Variants in CDYL observed in about 807,000 individuals in gnomAD.
The protein encoded by CDYL is chromodomain Y-like protein.
A neutral mutation model predicts 47.3 loss-of-function variants in CDYL; 8 were observed. The observed-to-expected ratio is 0.17, with a 90% CI of 0.10 to 0.31. CDYL has a LOEUF of 0.31. Among genes scored for constraint, CDYL ranks in the 10% least tolerant of loss-of-function variants. CDYL has a pLI of 1.00. For missense variants in CDYL, 471 were observed against 701.4 expected (o/e 0.67, Z 3.71); for synonymous variants, 266 against 265.0 (o/e 1.00, Z -0.04).
intron 3 of CDYL, among the ~76,000 whole-genome samples, chr6:4,735,905 T>TGGG (rs56986849): frequency 2.6e-5 from 4 of 151,674 alleles, no homozygotes; most frequent in African/African-American, 9.7e-5. Flanking sequence ...GTGCACGTGA[T>TGGG]GGGGGGGGGT....
At chr6:4,818,739 C>A (rs1383842829) in intron 1 of CDYL, among the ~76,000 whole-genome samples, 1 of 152,112 alleles carries the variant, frequency 6.6e-6, no homozygotes, top group African/African-American at 2.4e-5. Context: ...AGTAGAGATG[C>A]TAAATGGGTA....
At chr6:4,725,942 C>T (rs1322611002) in intron 2 of CDYL, among the ~76,000 whole-genome samples, 3 of 151,862 alleles carry the variant, frequency 2.0e-5, no homozygotes, top group African/African-American at 4.9e-5. Context: ...AACAAAAGAG[C>T]AAATTACCAA....
chr6:4,817,731 T>C (rs1451671533), intron 1 of CDYL, among the ~76,000 whole-genome samples: 1 of 152,226 alleles, frequency 6.6e-6, no homozygotes, highest in Non-Finnish European at 1.5e-5. Context: ...TTCCAAAGTT[T>C]AAACTTCTGT....
At chr6:4,824,582 G>A (rs1189073226) in intron 1 of CDYL, among the ~76,000 whole-genome samples, 1 of 152,080 alleles carries the variant, frequency 6.6e-6, no homozygotes. Context: ...CATTGTTGTT[G>A]AGTTTTGTTG....
chr6:4,793,689 G>A (rs1158927181), intron 1 of CDYL, among the ~76,000 whole-genome samples: 1 of 152,190 alleles, frequency 6.6e-6, no homozygotes, highest in East Asian at 1.9e-4. Context: ...TCCAGGCAAA[G>A]GATGATGGTG....
intron 1 of CDYL, among the ~76,000 whole-genome samples, chr6:4,842,868 G>T (rs779698263): frequency 8.5e-5 from 13 of 152,098 alleles, no homozygotes; most frequent in Non-Finnish European, 1.6e-4. Context: ...TATAGTTCCT[G>T]TGAGATTTAT....
At chr6:4,776,237 C>CCGCACTG (rs1758442573), upstream of CDYL, among the ~76,000 whole-genome samples, 1 of 143,206 alleles carries the variant, frequency 7.0e-6, no homozygotes. Flanking sequence ...CCCCGCCGGC[C>CCGCACTG]GCCCGCCTCG....
intron 2 of CDYL, among the ~76,000 whole-genome samples, chr6:4,717,728 A>T (rs200920260): frequency 6.7e-6 from 1 of 149,120 alleles, no homozygotes; most frequent in Non-Finnish European, 1.5e-5. Flanking sequence ...AAAAAAAAAA[A>T]AAAAAAAAAA....
chr6:4,724,456 G>A (rs1302490069), intron 2 of CDYL: 1 of 152,620 alleles, frequency 6.6e-6, no homozygotes, highest in Non-Finnish European at 1.5e-5. Flanking sequence ...TCTATACCCT[G>A]AAGCAACCTG....
At chr6:4,827,550 G>A (rs185669110) in intron 1 of CDYL, among the ~76,000 whole-genome samples, 1 of 152,324 alleles carries the variant, frequency 6.6e-6, no homozygotes, top group East Asian at 1.9e-4. Flanking sequence ...GCATACAAAT[G>A]TCTGTCTATA....
chr6:4,785,538 G>GT (rs1390722855), intron 1 of CDYL, among the ~76,000 whole-genome samples: 8 of 152,102 alleles, frequency 5.3e-5, no homozygotes, highest in Non-Finnish European at 1.2e-4. Flanking sequence ...TTCATTAGTA[G>GT]TTTACTGTTT....
At chr6:4,871,608 A>G (rs1761476695) in intron 1 of CDYL, among the ~76,000 whole-genome samples, 1 of 152,190 alleles carries the variant, frequency 6.6e-6, no homozygotes. Context: ...TGGCAGACCT[A>G]CAAGCTAGTG....
intron 2 of CDYL, among the ~76,000 whole-genome samples, chr6:4,901,857 C>T (rs1757064776): frequency 6.6e-6 from 1 of 152,112 alleles, no homozygotes; most frequent in South Asian, 2.1e-4. Context: ...CCTGAAGTTA[C>T]CATCATTCTC....
At chr6:4,917,779 A>G (rs1391108894) in intron 2 of CDYL, among the ~76,000 whole-genome samples, 1 of 152,198 alleles carries the variant, frequency 6.6e-6, no homozygotes, top group Non-Finnish European at 1.5e-5. Context: ...GATGATGAAT[A>G]TCAGCAAACA....
At chr6:4,729,343 G>A (rs6937790) in intron 2 of CDYL, among the ~76,000 whole-genome samples, 22,002 of 152,034 alleles carry the variant, frequency 0.14, 2,140 homozygotes, top group African/African-American at 0.29. Flanking sequence ...GAAACTTTGC[G>A]TGCATATACA....
intron 1 of CDYL, among the ~76,000 whole-genome samples, chr6:4,804,153 T>C (rs1309183882): frequency 1.3e-5 from 2 of 152,146 alleles, no homozygotes; most frequent in African/African-American, 4.8e-5. Context: ...AGAGGAAAAG[T>C]GTAACACTTG....
intron 1 of CDYL, among the ~76,000 whole-genome samples, chr6:4,865,053 C>A (rs1761280104): frequency 6.6e-6 from 1 of 152,118 alleles, no homozygotes; most frequent in East Asian, 1.9e-4. Flanking sequence ...TTCTCTTTGC[C>A]CCCTTGCCTC....
At chr6:4,915,569 G>A (rs1452689361) in intron 2 of CDYL, among the ~76,000 whole-genome samples, 3 of 152,256 alleles carry the variant, frequency 2.0e-5, no homozygotes, top group East Asian at 3.9e-4. Flanking sequence ...CATTAAAAGA[G>A]AAATCCTAAT....
At chr6:4,754,201 T>C (rs904794583) in intron 3 of CDYL, among the ~76,000 whole-genome samples, 1 of 152,178 alleles carries the variant, frequency 6.6e-6, no homozygotes, top group Non-Finnish European at 1.5e-5. Flanking sequence ...TCTGACATCA[T>C]TTTCCAGTGA....
Sources: allele counts gnomAD v4.1 joint callset (sites outside exome capture counted in the v4.1 genomes callset), GRCh38; gene constraint gnomAD v4.1.1; transcripts MANE v1.5; gene names NCBI Gene and HGNC (gene_info 2026-07-23, HGNC 2026-07-21).